KYNU: variants seen among roughly 807,000 people sequenced by gnomAD.
The protein encoded by KYNU is kynureninase.
KYNU carries 54 observed loss-of-function variants against 59.2 expected under a neutral mutation model. The ratio of observed to expected loss-of-function variants is 0.91; its 90% CI spans 0.73 to 1.14. The LOEUF is 1.14. Ranked by LOEUF, KYNU falls within the 50% of genes most tolerant of loss-of-function variation. The pLI is 0.00. For synonymous variants in KYNU, 177 were observed against 192.0 expected (o/e 0.92, Z 0.65); for missense variants, 567 against 554.4 (o/e 1.02, Z -0.23).
At chr2:142,878,118 G>A (rs1304852932) in intron 1 of KYNU, among the ~76,000 whole-genome samples, 1 of 151,998 alleles carries the variant, frequency 6.6e-6, no homozygotes, top group East Asian at 1.9e-4. Flanking sequence ...CTGTTTTCTG[G>A]TAACTTTAAT....
intron 4 of KYNU, among the ~76,000 whole-genome samples, chr2:142,929,726 C>T (rs1243097715): frequency 6.6e-6 from 1 of 152,082 alleles, no homozygotes; most frequent in Non-Finnish European, 1.5e-5. Context: ...TTCTGATTGG[C>T]AATTTATTGA....
At chr2:142,939,836 C>CGTGGAGTCAGGCTCA (rs2105046926) in intron 4 of KYNU, among the ~76,000 whole-genome samples, 1 of 152,238 alleles carries the variant, frequency 6.6e-6, no homozygotes, top group Admixed American at 6.5e-5. Context: ...GGGCAGCTCA[C>CGTGGAGTCAGGCTCA]GTGGAGTCAG....
intron 10 of KYNU, among the ~76,000 whole-genome samples, chr2:142,990,640 G>A (rs1025120599): frequency 2.0e-5 from 3 of 151,762 alleles, no homozygotes; most frequent in East Asian, 1.9e-4. Context: ...CACTCTTCAC[G>A]CTGGTGTAGC....
chr2:142,884,715 T>C (rs546312845), intron 1 of KYNU, among the ~76,000 whole-genome samples: 6 of 140,732 alleles, frequency 4.3e-5, no homozygotes, highest in Non-Finnish European at 9.3e-5. Flanking sequence ...TTTTTTTTGG[T>C]TTGTGTTTTG....
intron 2 of KYNU, among the ~76,000 whole-genome samples, chr2:142,889,088 G>C (rs571577483): frequency 6.6e-6 from 1 of 151,698 alleles, no homozygotes; most frequent in African/African-American, 2.4e-5. Context: ...CTGAACAGAG[G>C]TACCAACTCA....
At chr2:143,006,159 T>C (rs1003750430) in intron 10 of KYNU, among the ~76,000 whole-genome samples, 2 of 151,938 alleles carry the variant, frequency 1.3e-5, no homozygotes, top group African/African-American at 4.8e-5. Flanking sequence ...TTCATCTCAC[T>C]AGGGAGTGCC....
chr2:142,941,301 C>T (rs1423184835), intron 4 of KYNU, among the ~76,000 whole-genome samples: 2 of 152,172 alleles, frequency 1.3e-5, no homozygotes, highest in East Asian at 3.8e-4. Context: ...AGGGTTTTAG[C>T]AGCCCTGTAC....
chr2:142,959,122 C>T (rs1212610559), intron 7 of KYNU, among the ~76,000 whole-genome samples: 3 of 152,138 alleles, frequency 2.0e-5, no homozygotes, highest in Non-Finnish European at 1.5e-5. Context: ...CACACACATA[C>T]ACACTCACAC....
At chr2:142,948,410 G>T (rs1031963163) in intron 4 of KYNU, among the ~76,000 whole-genome samples, 3 of 152,162 alleles carry the variant, frequency 2.0e-5, no homozygotes, top group African/African-American at 7.2e-5. Context: ...GCTTGTATTA[G>T]TCTGTTTTTA....
At chr2:142,950,589 C>T (rs577285981) in intron 4 of KYNU, among the ~76,000 whole-genome samples, 40 of 152,286 alleles carry the variant, frequency 2.6e-4, no homozygotes, top group African/African-American at 9.1e-4. Flanking sequence ...ACAGGAAAAA[C>T]CTGCCCCCAT....
At chr2:142,984,305 A>G (rs1477550196) in intron 8 of KYNU, among the ~76,000 whole-genome samples, 1 of 152,062 alleles carries the variant, frequency 6.6e-6, no homozygotes, top group Non-Finnish European at 1.5e-5. Context: ...TTATCTCAAT[A>G]ATGGGAGCTA....
intron 13 of KYNU, 125 bp from the exon 14 acceptor site, chr2:143,041,922 T>A (rs553315928): frequency 1.5e-5 from 14 of 927,982 alleles, no homozygotes; most frequent in Admixed American, 1.3e-4. Context: ...AGTAAAAAAA[T>A]TTTGCATATA....
At chr2:143,024,149 T>A (rs1436767960) in intron 10 of KYNU, among the ~76,000 whole-genome samples, 2 of 151,974 alleles carry the variant, frequency 1.3e-5, no homozygotes. Flanking sequence ...TAATTTTAAC[T>A]TTCTTGATAT....
intron 1 of KYNU, among the ~76,000 whole-genome samples, chr2:142,883,101 A>T (rs1270386835): frequency 6.6e-6 from 1 of 150,786 alleles, no homozygotes; most frequent in African/African-American, 2.4e-5. Flanking sequence ...GTAAATTTAT[A>T]TCACATTACT....
intron 10 of KYNU, among the ~76,000 whole-genome samples, chr2:143,004,738 G>A (rs997786541): frequency 9.9e-5 from 15 of 152,036 alleles, no homozygotes; most frequent in Non-Finnish European, 1.5e-4. Flanking sequence ...TTTTCCTCCC[G>A]AGCATACAAT....
At chr2:143,015,881 T>C (rs77582721) in intron 10 of KYNU, among the ~76,000 whole-genome samples, 7 of 152,204 alleles carry the variant, frequency 4.6e-5, no homozygotes, top group South Asian at 2.1e-4. Context: ...GTGAAATTCA[T>C]TGATAGGTTC....
intron 7 of KYNU, among the ~76,000 whole-genome samples, chr2:142,959,729 A>G (rs1684277427): frequency 6.6e-6 from 1 of 151,514 alleles, no homozygotes; most frequent in Non-Finnish European, 1.5e-5. Flanking sequence ...GTAAGTAATC[A>G]ATTATTAGTT....
chr2:142,970,985 A>G (rs1684702554), intron 8 of KYNU, among the ~76,000 whole-genome samples: 1 of 152,156 alleles, frequency 6.6e-6, no homozygotes, highest in Non-Finnish European at 1.5e-5. Flanking sequence ...CTTGCTTCAC[A>G]GGTTACAACT....
At chr2:143,023,383 T>C (rs1686461692) in intron 10 of KYNU, among the ~76,000 whole-genome samples, 1 of 151,920 alleles carries the variant, frequency 6.6e-6, no homozygotes, top group African/African-American at 2.4e-5. Flanking sequence ...TGTATAGTTA[T>C]AGTCAACATT....
Sources: allele counts gnomAD v4.1 joint callset (sites outside exome capture counted in the v4.1 genomes callset), GRCh38; gene constraint gnomAD v4.1.1; transcripts MANE v1.5; gene names NCBI Gene and HGNC (gene_info 2026-07-23, HGNC 2026-07-21).